ULK4: variants seen among roughly 807,000 people sequenced by gnomAD.
ULK4 encodes the protein inactive serine/threonine-protein kinase ULK4.
A neutral mutation model predicts 160.6 loss-of-function variants in ULK4; 133 were observed. That is an observed-to-expected ratio of 0.83 (90% CI 0.72 to 0.96). The LOEUF (loss-of-function observed/expected upper bound fraction) is 0.96, where lower values mean the gene tolerates loss of function less well. Among genes scored for constraint, ULK4 ranks in the 40% least tolerant of loss-of-function variants. The pLI is 0.00. For synonymous variants in ULK4, 534 were observed against 539.8 expected, an observed-to-expected ratio of 0.99 and a Z score of 0.15; for missense variants, 1,580 against 1,499.5, an observed-to-expected ratio of 1.05 and a Z score of -0.89.
At chr3:41,310,860 A>AT (rs1408258187) in intron 35 of ULK4, among the ~76,000 whole-genome samples, 1 of 151,892 alleles carries the variant, frequency 6.6e-6, no homozygotes, top group Non-Finnish European at 1.5e-5. Context: ...ATGTGTGGTG[A>AT]TATGTGCCTG....
At chr3:41,682,867 T>A (rs1268475585) in intron 27 of ULK4, among the ~76,000 whole-genome samples, 1 of 152,166 alleles carries the variant, frequency 6.6e-6, no homozygotes, top group Non-Finnish European at 1.5e-5. Flanking sequence ...ACCAACATGA[T>A]CAACAGCTAT....
intron 18 of ULK4, among the ~76,000 whole-genome samples, chr3:41,833,155 T>C (rs2041646689): frequency 1.3e-5 from 2 of 152,234 alleles, no homozygotes; most frequent in African/African-American, 4.8e-5. Flanking sequence ...TGATTCTTCC[T>C]ATCCATGAGG....
rs190792590 is a variant in ULK4 at position 41,960,184 on chromosome 3, A to C, written c.-49+1832T>G. Among the ~76,000 whole-genome samples the C allele has an allele frequency of 8.5e-5, 13 of 152,216 alleles. No individual in the cohort carries two copies. In the East Asian group the frequency reaches 2.1e-3, roughly 25 times the overall value. ...TGAAATTTTGAATTTGATTTAGGCC[A>C]AATTCATTTCCTTAATCTTTAGTCA... is the stretch of plus-strand genomic sequence containing the variant. On this transcript the variant is annotated intron_variant, in intron 1 of 36. Transcript: ENST00000301831.
chr3:41,526,154 G>C (rs1024084452), intron 32 of ULK4, among the ~76,000 whole-genome samples: 2 of 151,724 alleles, frequency 1.3e-5, no homozygotes, highest in Non-Finnish European at 2.9e-5. Flanking sequence ...GAGTGAGTGT[G>C]TTTGCATCTC....
At chr3:41,495,118 A>G (rs2084938581) in intron 32 of ULK4, among the ~76,000 whole-genome samples, 1 of 152,312 alleles carries the variant, frequency 6.6e-6, no homozygotes. Flanking sequence ...AGCCTGCATC[A>G]CCAAGTCAAT....
At chr3:41,384,125 ATTAAAC>A (rs2081741044) in intron 35 of ULK4, among the ~76,000 whole-genome samples, 1 of 152,148 alleles carries the variant, frequency 6.6e-6, no homozygotes, top group Non-Finnish European at 1.5e-5. Flanking sequence ...TAACCAAGCA[ATTAAAC>A]TTAGCATCAC....
chr3:41,470,878 C>A (rs970126134), intron 32 of ULK4, among the ~76,000 whole-genome samples: 4 of 151,978 alleles, frequency 2.6e-5, no homozygotes, highest in Non-Finnish European at 4.4e-5. Flanking sequence ...AAGCATATCA[C>A]TATAGAAAAC....
At chr3:41,830,408 G>A (rs2041537963) in intron 18 of ULK4, among the ~76,000 whole-genome samples, 1 of 151,900 alleles carries the variant, frequency 6.6e-6, no homozygotes, top group South Asian at 2.1e-4. Flanking sequence ...ACGAAAACAA[G>A]TCTATATAAA....
At chr3:41,507,135 C>CAA (rs11368634) in intron 32 of ULK4, among the ~76,000 whole-genome samples, 41,712 of 121,042 alleles carry the variant, frequency 0.34, 7,259 homozygotes, top group Non-Finnish European at 0.37. Flanking sequence ...AGATTCCGGC[C>CAA]AAAAAAAAAA....
intron 32 of ULK4, among the ~76,000 whole-genome samples, chr3:41,515,524 G>A (rs1191459672): frequency 6.6e-6 from 1 of 152,192 alleles, no homozygotes; most frequent in African/African-American, 2.4e-5. Flanking sequence ...AAGGAAAGAG[G>A]TTTAACTGAC....
chr3:41,276,020 G>C (rs2079223091), intron 35 of ULK4, among the ~76,000 whole-genome samples: 1 of 152,226 alleles, frequency 6.6e-6, no homozygotes, highest in Non-Finnish European at 1.5e-5. Flanking sequence ...CACAATGACA[G>C]AATAGGTAAC....
At chr3:41,700,710 G>T (rs1371974680) in intron 27 of ULK4, among the ~76,000 whole-genome samples, 1 of 152,144 alleles carries the variant, frequency 6.6e-6, no homozygotes, top group African/African-American at 2.4e-5. Context: ...AAAACAGGAA[G>T]ATTTGGGCAA....
intron 32 of ULK4, among the ~76,000 whole-genome samples, chr3:41,509,851 A>G (rs2085510079): frequency 6.6e-6 from 1 of 152,234 alleles, no homozygotes; most frequent in Non-Finnish European, 1.5e-5. Flanking sequence ...AATCCTTGAA[A>G]TACACCAAAA....
chr3:41,512,624 A>G (rs2085617138), intron 32 of ULK4, among the ~76,000 whole-genome samples: 1 of 152,210 alleles, frequency 6.6e-6, no homozygotes, highest in South Asian at 2.1e-4. Flanking sequence ...GAAATAATAG[A>G]CAACACAAAC....
At chr3:41,640,872 A>T (rs962583598) in intron 30 of ULK4, among the ~76,000 whole-genome samples, 1 of 152,190 alleles carries the variant, frequency 6.6e-6, no homozygotes, top group Non-Finnish European at 1.5e-5. Flanking sequence ...ATGTCAATTC[A>T]CTGGAGTGAA....
chr3:41,662,872 A>G (rs2035226486), intron 30 of ULK4, among the ~76,000 whole-genome samples: 2 of 152,088 alleles, frequency 1.3e-5, no homozygotes, highest in South Asian at 4.1e-4. Context: ...CATCATATTC[A>G]GTACCTTCAA....
At chr3:41,643,631 C>T (rs1160287509) in intron 30 of ULK4, among the ~76,000 whole-genome samples, 1 of 152,114 alleles carries the variant, frequency 6.6e-6, no homozygotes, top group Admixed American at 6.5e-5. Context: ...AGCGTGATGC[C>T]TCCTGCTTTG....
At chr3:41,417,464 C>G (rs2082553275) in intron 34 of ULK4, among the ~76,000 whole-genome samples, 2 of 152,062 alleles carry the variant, frequency 1.3e-5, no homozygotes, top group Admixed American at 6.6e-5. Flanking sequence ...GAGGCTGTGA[C>G]CAGGTATGAA....
At chr3:41,495,572 A>G (rs13080356) in intron 32 of ULK4, among the ~76,000 whole-genome samples, 67,463 of 150,254 alleles carry the variant, frequency 0.45, 15,960 homozygotes, top group Admixed American at 0.53. Flanking sequence ...GACAAAATTG[A>G]CAAATGGGAT....
Sources: gnomAD v4.1 joint callset for allele counts (sites outside exome capture counted in the v4.1 genomes callset) on GRCh38, gnomAD v4.1.1 for gene constraint, MANE v1.5 for transcripts, NCBI Gene and HGNC (gene_info 2026-07-23, HGNC 2026-07-21) for gene names.